Variants in METTL21A observed in about 807,000 individuals in gnomAD.
METTL21A encodes methyltransferase 21A, HSPA lysine, also known as protein N-lysine methyltransferase METTL21A.
A neutral mutation model predicts 20.9 loss-of-function variants in METTL21A; 22 were observed. That is an observed-to-expected ratio of 1.05 (90% CI 0.75 to 1.50). The LOEUF is 1.50. METTL21A is among the 40% of genes most tolerant of loss of function. The pLI, the probability that METTL21A is intolerant of heterozygous loss-of-function variation, is 0.00. For missense variants in METTL21A, 271 were observed against 266.8 expected, an observed-to-expected ratio of 1.02 and a Z score of -0.11; for synonymous variants, 93 against 102.0, an observed-to-expected ratio of 0.91 and a Z score of 0.53.
intron 1 of METTL21A, 105 bp from the exon 2 acceptor site, chr2:207,624,509 A>G: frequency 1.0e-6 from 1 of 1,004,770 alleles, no homozygotes; most frequent in South Asian, 2.5e-5. Context: ...TCAAAAGAAA[A>G]AAAGAAACAG....
intron 3 of METTL21A, among the ~76,000 whole-genome samples, chr2:207,585,971 AC>A (rs2083749030): frequency 6.6e-6 from 1 of 152,060 alleles, no homozygotes; most frequent in African/African-American, 2.4e-5. Flanking sequence ...ATCACTGAAG[AC>A]CTCCCATGTC....
At chr2:207,603,045 CAG>C (rs2087362021) in intron 3 of METTL21A, 3 of 213,490 alleles carry the variant, frequency 1.4e-5, no homozygotes, top group Admixed American at 5.9e-5. Context: ...CAGCACAAAA[CAG>C]GGTATTGATT....
At chr2:207,589,133 C>T (rs961697936) in intron 3 of METTL21A, among the ~76,000 whole-genome samples, 1 of 152,140 alleles carries the variant, frequency 6.6e-6, no homozygotes, top group Non-Finnish European at 1.5e-5. Flanking sequence ...AACTTACTGG[C>T]TTAAACAACA....
rs916176156 is a variant in METTL21A at position 207,582,756 on chromosome 2, G to A, written c.260-596C>T. ...TAAAAAGAGAAAATTTAGCCGGGGTGGTGGTGCACGCTTGTAATCCCAGCT... is the reference window on the plus strand; with the variant it reads ...TAAAAAGAGAAAATTTAGCCGGGGTAGTGGTGCACGCTTGTAATCCCAGCT... On this transcript the variant is annotated intron_variant, in intron 3 of 3. Coordinates refer to the METTL21A transcript ENST00000425132. 18 of 196,200 alleles carry A rather than the reference G, an allele frequency of 9.2e-5. No homozygotes were observed. In the Admixed American group the frequency reaches 1.1e-3, roughly 12 times the overall value. The allele number at this position is 196,200 out of a possible 1,614,324, so 12.2% of individuals were successfully genotyped here.
intron 3 of METTL21A, among the ~76,000 whole-genome samples, chr2:207,596,292 T>C (rs1264487953): frequency 2.0e-5 from 3 of 152,250 alleles, no homozygotes. Flanking sequence ...TTGTTACACA[T>C]TGAAATTTAG....
chr2:207,614,271 C>G (rs2089385724), intron 3 of METTL21A, among the ~76,000 whole-genome samples: 2 of 151,962 alleles, frequency 1.3e-5, no homozygotes, highest in South Asian at 4.2e-4. Context: ...CAGTGCACAC[C>G]TGTGGTCTTA....
downstream of METTL21A, among the ~76,000 whole-genome samples, chr2:207,606,355 G>A (rs372536990): frequency 1.1e-4 from 16 of 152,096 alleles, no homozygotes; most frequent in Non-Finnish European, 1.5e-4. Flanking sequence ...GGTGGCAGGC[G>A]CCTGTAATCC....
At chr2:207,582,918 A>T (rs12478868) in intron 3 of METTL21A, 173,772 of 256,432 alleles carry the variant, frequency 0.68, 60,943 homozygotes, top group East Asian at 0.96. Flanking sequence ...AACAAAAAAA[A>T]ATATATATAT....
chr2:207,584,608 G>C (rs570446770), intron 3 of METTL21A, among the ~76,000 whole-genome samples: 1 of 152,266 alleles, frequency 6.6e-6, no homozygotes, highest in African/African-American at 2.4e-5. Flanking sequence ...CGCCATGTTG[G>C]CCAGGCTGGT....
In METTL21A at chr2:207,592,911, C is replaced by CAAAAAAGAAAAAAAAAAGAA. The variant is rs146008919; in HGVS notation, c.260-10752_260-10751insTTCTTTTTTTTTTCTTTTTT. On this transcript the variant is annotated intron_variant, in intron 3 of 3. Transcript: ENST00000425132. ...CTGGCGACAGAGCAAGACTCCATCT[C>CAAAAAAGAAAAAAAAAAGAA]AAAAAAGAAAAGAAAATTCTCAGAT... Among the ~76,000 whole-genome samples the CAAAAAAGAAAAAAAAAAGAA allele has an allele frequency of 1.4e-3, 207 of 145,164 alleles. 4 individuals are homozygous for CAAAAAAGAAAAAAAAAAGAA. The highest frequency in any genetic ancestry group is 0.014 in the South Asian group (63 of 4,504).
chr2:207,602,699 G>A, intron 3 of METTL21A: 1 of 210,148 alleles, frequency 4.8e-6, no homozygotes, highest in Non-Finnish European at 9.7e-6. Context: ...ATGCTTTATA[G>A]ATGTATTTTT....
downstream of METTL21A, chr2:207,612,729 A>G (rs2089141125): frequency 4.7e-6 from 1 of 213,302 alleles, no homozygotes; most frequent in Non-Finnish European, 9.2e-6. Context: ...AGACTTCTTT[A>G]TACCGGCCCT....
downstream of METTL21A, among the ~76,000 whole-genome samples, chr2:207,606,677 G>A (rs1450853467): frequency 3.9e-5 from 6 of 152,092 alleles, no homozygotes; most frequent in African/African-American, 1.4e-4. Flanking sequence ...GGAGCAGTGA[G>A]GTTGTGACTT....
At chr2:207,582,672 A>G (rs1413998335) in intron 3 of METTL21A, among the ~76,000 whole-genome samples, 1 of 152,022 alleles carries the variant, frequency 6.6e-6, no homozygotes, top group African/African-American at 2.4e-5. Flanking sequence ...TGTTTTTCCA[A>G]TGATCTCTAG....
intron 3 of METTL21A, among the ~76,000 whole-genome samples, chr2:207,620,171 C>T (rs1254909506): frequency 6.6e-6 from 1 of 152,118 alleles, no homozygotes; most frequent in Non-Finnish European, 1.5e-5. Flanking sequence ...AGGCCAGGCA[C>T]GGTGGCTCAC....
At chr2:207,599,254 T>G (rs1176810646) in intron 3 of METTL21A, 2 of 203,316 alleles carry the variant, frequency 9.8e-6, no homozygotes, top group African/African-American at 2.3e-5. Flanking sequence ...CGCATAGATA[T>G]GTCATTTTTA....
At position 207,613,446 on chromosome 2, in the gene METTL21A, A is replaced by C; in HGVS notation, c.260-3T>G. On this transcript the variant is annotated splice_polypyrimidine_tract_variant and splice_region_variant and intron_variant, in intron 3 of 3. Coordinates refer to ENST00000406927, the Ensembl canonical transcript of METTL21A. ...ATCCGTGATAGTCACATGAGCACCT[A>C]CAATGTGGAACAAAGAAAAAGTGAT... The C allele has an allele frequency of 6.4e-7, 1 of 1,562,998 alleles. No homozygotes were observed. Among genetic ancestry groups the C allele is most frequent in the Non-Finnish European group, 8.6e-7 (1 of 1,161,346 alleles).
chr2:207,613,334 C>T, exon 4 of METTL21A: 1 of 1,614,108 alleles, frequency 6.2e-7, no homozygotes, highest in Non-Finnish European at 8.5e-7. Context: ...GTCCCCAAGT[C>T]AGCTCCTTAA....
At chr2:207,620,147 GA>G (rs1186796240) in intron 3 of METTL21A, among the ~76,000 whole-genome samples, 3 of 152,152 alleles carry the variant, frequency 2.0e-5, no homozygotes, top group African/African-American at 7.2e-5. Flanking sequence ...TGGTGTTACA[GA>G]AAAAAATAAA....
Sources: gnomAD v4.1 joint callset for allele counts (sites outside exome capture counted in the v4.1 genomes callset) on GRCh38, gnomAD v4.1.1 for gene constraint, MANE v1.5 for transcripts, NCBI Gene and HGNC (gene_info 2026-07-23, HGNC 2026-07-21) for gene names.